The following CREB5 variants were observed in gnomAD, a reference collection of about 807,000 sequenced individuals.
CREB5 encodes cyclic AMP-responsive element-binding protein 5.
Under a neutral mutation model 57.1 loss-of-function variants are expected in CREB5, and 19 were observed. The observed-to-expected ratio is 0.33, with a 90% CI of 0.23 to 0.49. The LOEUF (loss-of-function observed/expected upper bound fraction) is 0.49. Ranked by LOEUF, CREB5 falls within the 20% of genes least tolerant of loss-of-function variation. The pLI is 0.99. For missense variants in CREB5, 579 were observed against 671.6 expected (o/e 0.86, Z 1.52); for synonymous variants, 238 against 238.3 (o/e 1.00, Z 0.01).
chr7:28,338,255 C>T (rs1392512101), intron 1 of CREB5, among the ~76,000 whole-genome samples: 4 of 152,080 alleles, frequency 2.6e-5, no homozygotes, highest in Non-Finnish European at 5.9e-5. Context: ...CAATAATGTC[C>T]TTTTCTTTCA....
chr7:28,477,061 G>C (rs1486008030), intron 1 of CREB5, among the ~76,000 whole-genome samples: 1 of 152,300 alleles, frequency 6.6e-6, no homozygotes, highest in African/African-American at 2.4e-5. Context: ...GCTCAGTGAC[G>C]ATGTGGGGAA....
chr7:28,585,700 A>G (rs1413773672), intron 5 of CREB5, among the ~76,000 whole-genome samples: 1 of 152,132 alleles, frequency 6.6e-6, no homozygotes, highest in Admixed American at 6.5e-5. Context: ...GAGAAATCCA[A>G]TAAAGCCCCA....
intron 5 of CREB5, among the ~76,000 whole-genome samples, chr7:28,614,319 T>G (rs1279256705): frequency 2.0e-5 from 3 of 152,236 alleles, no homozygotes; most frequent in Admixed American, 6.5e-5. Flanking sequence ...TGGGATTTGA[T>G]CTTTTGGTTA....
At position 28,808,793 on chromosome 7, in the gene CREB5, T is replaced by C. The variant is rs1808912028; in HGVS notation, c.1027-394T>C. ...CTAGGCTGGTCTCAAACTCCTGGCC[T>C]CAAGTGATCCTCCCGCCACACCTGG... On this transcript the variant is annotated intron_variant, in intron 8 of 10. Coordinates refer to ENST00000357727, the MANE Select transcript of CREB5 (RefSeq NM_182898.4). Among the ~76,000 whole-genome samples, 4 of 127,990 alleles carry C rather than the reference T, an allele frequency of 3.1e-5. 1 individual carries two copies. In the South Asian group the frequency reaches 1.1e-3, roughly 35 times the overall value. 84.0% of individuals were successfully genotyped at this position (127,990 alleles called of 152,430 possible).
At chr7:28,630,896 A>G (rs1181740086) in intron 5 of CREB5, among the ~76,000 whole-genome samples, 3 of 152,198 alleles carry the variant, frequency 2.0e-5, no homozygotes, top group Non-Finnish European at 4.4e-5. Flanking sequence ...CAGGCAGAGT[A>G]TGTATGGTAC....
intron 5 of CREB5, among the ~76,000 whole-genome samples, chr7:28,645,729 GT>G (rs1798865825): frequency 6.6e-6 from 1 of 152,214 alleles, no homozygotes; most frequent in Admixed American, 6.5e-5. Flanking sequence ...CTTTGCCAGT[GT>G]ATTCTTTAAT....
rs187099223 is a variant in CREB5 at position 28,445,434 on chromosome 7, T to C, written c.3+32517T>C. On this transcript the variant is annotated intron_variant, in intron 1 of 10. Coordinates refer to ENST00000357727, the MANE Select transcript of CREB5 (RefSeq NM_182898.4). ...AGGCTGCAGAAAGAGGAAATTACTT[T>C]GTTTTTGCACTTTAACAGCAAAGTC... is the stretch of plus-strand genomic sequence containing the variant. 1.3e-3 allele frequency among the ~76,000 whole-genome samples: 197 copies of C among 152,290 alleles called. 2 individuals are homozygous for C. In the South Asian group the frequency reaches 0.017, roughly 13 times the overall value.
intron 5 of CREB5, among the ~76,000 whole-genome samples, chr7:28,712,351 T>C (rs113195573): frequency 6.6e-6 from 1 of 151,282 alleles, no homozygotes; most frequent in African/African-American, 2.4e-5. Context: ...CTCCTAAAAA[T>C]AGAAAAATTA....
At chr7:28,328,189 C>T (rs932675437) in intron 1 of CREB5, among the ~76,000 whole-genome samples, 2 of 152,202 alleles carry the variant, frequency 1.3e-5, no homozygotes, top group Admixed American at 6.5e-5. Context: ...ACTCCTTTTG[C>T]GTGGCAACTT....
At chr7:28,710,375 G>T (rs1022536750) in intron 5 of CREB5, among the ~76,000 whole-genome samples, 1 of 152,124 alleles carries the variant, frequency 6.6e-6, no homozygotes, top group East Asian at 1.9e-4. Context: ...GCACCTACTA[G>T]GTACCATGTA....
At chr7:28,382,445 T>A (rs1045541644) in intron 1 of CREB5, among the ~76,000 whole-genome samples, 22 of 152,124 alleles carry the variant, frequency 1.4e-4, no homozygotes, top group African/African-American at 4.8e-4. Flanking sequence ...TGAGAATAAA[T>A]AATGCTTTAC....
intron 5 of CREB5, among the ~76,000 whole-genome samples, chr7:28,712,151 T>C (rs1802425909): frequency 6.6e-6 from 1 of 152,134 alleles, no homozygotes; most frequent in Non-Finnish European, 1.5e-5. Context: ...CATTTTACAA[T>C]GTAATTATTA....
chr7:28,550,321 T>C (rs1277608871), intron 4 of CREB5, among the ~76,000 whole-genome samples: 1 of 152,170 alleles, frequency 6.6e-6, no homozygotes, highest in African/African-American at 2.4e-5. Context: ...GCCTATTGGT[T>C]GAGTGGTTAT....
At chr7:28,678,306 T>C (rs1053362825) in intron 5 of CREB5, among the ~76,000 whole-genome samples, 8 of 151,816 alleles carry the variant, frequency 5.3e-5, no homozygotes, top group African/African-American at 1.9e-4. Flanking sequence ...GAGAATTGCT[T>C]GAACCCCGGA....
chr7:28,600,376 C>T (rs1342803698), intron 5 of CREB5, among the ~76,000 whole-genome samples: 4 of 7,694 alleles, frequency 5.2e-4, no homozygotes, highest in Non-Finnish European at 2.1e-3. Flanking sequence ...ACCAGCCTCA[C>T]GAAGCTCAGT....
intron 1 of CREB5, among the ~76,000 whole-genome samples, chr7:28,449,366 C>T (rs1789671524): frequency 6.6e-6 from 1 of 152,134 alleles, no homozygotes. Context: ...CTACCTCTGC[C>T]TTCTCTCATT....
intron 1 of CREB5, among the ~76,000 whole-genome samples, chr7:28,348,431 C>T (rs1386235482): frequency 6.6e-6 from 1 of 151,968 alleles, no homozygotes; most frequent in Admixed American, 6.6e-5. Flanking sequence ...CACACACACA[C>T]ACACACACAC....
At position 28,560,885 on chromosome 7, in the gene CREB5, T is replaced by TGTGCGCGTGCGTGTGC. The variant is rs1365184678; in HGVS notation, c.292-9479_292-9478insTGCGCGTGCGTGTGCG. On this transcript the variant is annotated intron_variant, in intron 4 of 10. Coordinates refer to ENST00000357727, the MANE Select transcript of CREB5 (RefSeq NM_182898.4). ...GTGTGCCTGCGTGCGCGTGCGTGCGTGCGTGTGTGTGCGTGCGCGCGTGCG... is the reference window on the plus strand; with the variant it reads ...GTGTGCCTGCGTGCGCGTGCGTGCGTGTGCGCGTGCGTGTGCGCGTGTGTGTGCGTGCGCGCGTGCG... 1.1e-4 allele frequency among the ~76,000 whole-genome samples: 3 copies of TGTGCGCGTGCGTGTGC among 26,478 alleles called. 1 individual carries two copies. The highest frequency in any genetic ancestry group is 4.8e-4 in the African/African-American group (3 of 6,292). 17.4% of individuals were successfully genotyped at this position (26,478 alleles called of 152,430 possible). A position where few individuals can be genotyped will look rare whatever the true frequency, so the allele number is the denominator to read the frequency against.
At chr7:28,607,270 T>C (rs539392466) in intron 5 of CREB5, among the ~76,000 whole-genome samples, 7 of 152,260 alleles carry the variant, frequency 4.6e-5, no homozygotes, top group African/African-American at 1.7e-4. Flanking sequence ...AGCTTGTGGA[T>C]AAAACTAACC....
Sources: gnomAD v4.1 joint callset for allele counts (sites outside exome capture counted in the v4.1 genomes callset) on GRCh38, gnomAD v4.1.1 for gene constraint, MANE v1.5 for transcripts, NCBI Gene and HGNC (gene_info 2026-07-23, HGNC 2026-07-21) for gene names.